The following NEMP1 variants were observed in gnomAD, a reference collection of about 807,000 sequenced individuals.
NEMP1 encodes transmembrane protein 194.
NEMP1 carries 29 observed loss-of-function variants against 53.7 expected under a neutral mutation model. The ratio of observed to expected loss-of-function variants is 0.54; its 90% confidence interval spans 0.40 to 0.74. NEMP1 has a LOEUF of 0.74. Among genes scored for constraint, NEMP1 ranks in the 30% least tolerant of loss-of-function variants. The probability of loss-of-function intolerance (pLI) is 0.00; values close to 1 mark genes in which losing one functional copy is unlikely to be tolerated. For missense variants in NEMP1, 477 were observed against 528.6 expected (o/e 0.90, Z 0.96); for synonymous variants, 193 against 192.9 (o/e 1.00, Z 0.00).
At chr12:57,084,075 G>C (rs915143918) in intron 1 of NEMP1, among the ~76,000 whole-genome samples, 6 of 152,170 alleles carry the variant, frequency 3.9e-5, no homozygotes, top group African/African-American at 1.2e-4. Context: ...CGATTCTCGT[G>C]CCTCCACCTC....
intron 4 of NEMP1, among the ~76,000 whole-genome samples, chr12:57,067,379 C>T (rs1057106352): frequency 6.6e-6 from 1 of 151,588 alleles, no homozygotes; most frequent in African/African-American, 2.4e-5. Context: ...CATGTGGTGC[C>T]CCAAAATAAT....
chr12:57,061,146 G>A (rs538499830), intron 7 of NEMP1, among the ~76,000 whole-genome samples: 2 of 152,128 alleles, frequency 1.3e-5, no homozygotes, highest in South Asian at 4.1e-4. Flanking sequence ...AGGCGACAGA[G>A]CGAGACTCCA....
At position 57,058,549 on chromosome 12, in the gene NEMP1, G is replaced by GC. The variant is rs2031641034; in HGVS notation, c.*1329dup. On this transcript the variant is annotated 3_prime_UTR_variant, in exon 9 of 9. Transcript: ENST00000300128. ...ATTGCTGGTTTATAAGGGGTACTTT[G>GC]CAATGGCAAAAGAATCTGAAACTAA... 1 of 152,214 alleles carries GC rather than the reference G, an allele frequency of 6.6e-6. No homozygotes were observed. Among genetic ancestry groups the GC allele is most frequent in the South Asian group, 2.1e-4 (1 of 4,832 alleles). 9.4% of individuals were successfully genotyped at this position (152,214 alleles called of 1,614,324 possible). A position where few individuals can be genotyped will look rare whatever the true frequency, so the allele number is the denominator to read the frequency against.
At position 57,070,792 on chromosome 12, in the gene NEMP1, G is replaced by C; in HGVS notation, c.354C>G (p.Ser118=). ...EQFSIWNFFS[S]FLKEKLNDTY... The stretch of plus-strand genomic sequence containing the variant: ...TGTCATTCAATTTCTCTTTTAAAAA[G>C]GAGGAAAAAAAGTTCCAGATACTAA... The change falls in exon 3 of 9, where the codon TCC becomes TCG. Residue 118 remains serine, a synonymous_variant. Transcript: ENST00000300128. 6.2e-7 allele frequency: 1 copy of C among 1,613,344 alleles called. No individual in the cohort carries two copies. Among genetic ancestry groups the C allele is most frequent in the Non-Finnish European group, 8.5e-7 (1 of 1,179,598 alleles).
chr12:57,064,766 C>T (rs2136490032), intron 4 of NEMP1, 27 bp from the exon 5 acceptor site: 3 of 1,539,486 alleles, frequency 1.9e-6, no homozygotes, highest in Admixed American at 3.4e-5. Context: ...TATTTCATGA[C>T]CATATGTATA....
intron 7 of NEMP1, among the ~76,000 whole-genome samples, chr12:57,061,567 C>T (rs939181513): frequency 2.2e-4 from 34 of 151,950 alleles, no homozygotes; most frequent in Non-Finnish European, 2.9e-5. Flanking sequence ...GTGGTGCATA[C>T]CTGTAATCCC....
chr12:57,062,162 A>T (rs2031842391), intron 7 of NEMP1, among the ~76,000 whole-genome samples: 1 of 152,198 alleles, frequency 6.6e-6, no homozygotes, highest in Non-Finnish European at 1.5e-5. Context: ...AGACCTCCAG[A>T]GCAATCTGAA....
intron 7 of NEMP1, among the ~76,000 whole-genome samples, chr12:57,062,354 C>A (rs2031851172): frequency 6.6e-6 from 1 of 152,062 alleles, no homozygotes; most frequent in Non-Finnish European, 1.5e-5. Flanking sequence ...GTGGCGCCCA[C>A]CCGTAGTCCC....
chr12:57,069,379 T>G, intron 3 of NEMP1, 73 bp from the exon 4 acceptor site: 6 of 933,856 alleles, frequency 6.4e-6, no homozygotes, highest in Non-Finnish European at 7.9e-6. Flanking sequence ...AAAGACAACG[T>G]TGGCACTATT....
At chr12:57,069,447 C>T in intron 3 of NEMP1, 141 bp from the exon 4 acceptor site, 1 of 587,446 alleles carries the variant, frequency 1.7e-6, no homozygotes, top group Non-Finnish European at 3.0e-6. Context: ...TTAAATTTCA[C>T]CTAAAGCCTG....
At chr12:57,072,262 AC>A (rs2032387763) in intron 2 of NEMP1, among the ~76,000 whole-genome samples, 1 of 151,934 alleles carries the variant, frequency 6.6e-6, no homozygotes, top group Non-Finnish European at 1.5e-5. Context: ...ACATGATGAA[AC>A]CCCATCTCTA....
Position 57,070,710 on chromosome 12 carries a change from C to T in NEMP1, c.436G>A (p.Glu146Lys). 1 of 1,558,908 alleles carries T rather than the reference C, an allele frequency of 6.4e-7. No individual in the cohort carries two copies. The highest frequency in any genetic ancestry group is 8.7e-7 in the Non-Finnish European group (1 of 1,150,456). The change falls in exon 3 of 9, where the codon GAG (glutamate) becomes AAG (lysine). Residue 146 changes from glutamate to lysine, a missense_variant. Physicochemically the swap from Glu to Lys is moderately conservative, Grantham distance 56 (BLOSUM62 1). Coordinates refer to ENST00000300128, the MANE Select transcript of NEMP1 (RefSeq NM_001130963.2). ...TKTCLKVEII[E>K]KDTKYSVIVI... ...ATGACACTGTACTTGGTGTCCTTCTCTATAATCTCAACTTTGAGGCAGGTT... is the reference window on the plus strand; with the variant it reads ...ATGACACTGTACTTGGTGTCCTTCTTTATAATCTCAACTTTGAGGCAGGTT...
At chr12:57,061,706 A>AC (rs1192448088) in intron 7 of NEMP1, among the ~76,000 whole-genome samples, 12 of 149,128 alleles carry the variant, frequency 8.0e-5, no homozygotes, top group East Asian at 2.0e-4. Context: ...AAAAAAAAAA[A>AC]AACAAAAAAA....
rs1276516518 is a variant in NEMP1 at position 57,078,628 on chromosome 12, A to G, written c.118T>C (p.Tyr40His). 2 of 1,612,238 alleles carry G rather than the reference A, an allele frequency of 1.2e-6. 1 individual carries two copies. The highest frequency in any genetic ancestry group is 2.2e-5 in the South Asian group (2 of 90,760). Reference sequence around the variant, plus strand: ...GCTGCCCGGGCGGTACCTGTGCCGTAGACCAAGCAGCCGGAGAGGATCAAG... The same window carrying G: ...GCTGCCCGGGCGGTACCTGTGCCGTGGACCAAGCAGCCGGAGAGGATCAAG... ...LLLILSGCLV[Y>H]GTAETDVNVV... Residue 40 changes from tyrosine (Y) to histidine (H), a missense_variant, in exon 1 of 9, where the codon TAC becomes CAC. By Grantham distance (83) the Tyr-to-His change is moderately conservative. Coordinates refer to ENST00000300128, the MANE Select transcript of NEMP1 (RefSeq NM_001130963.2).
At chr12:57,074,920 T>C (rs2032530736) in intron 1 of NEMP1, among the ~76,000 whole-genome samples, 1 of 151,622 alleles carries the variant, frequency 6.6e-6, no homozygotes, top group African/African-American at 2.4e-5. Flanking sequence ...AAACCCCGTC[T>C]CTACTACAAA....
Position 57,064,748 on chromosome 12 carries a change from A to C in NEMP1, c.546-9T>G. The C allele has an allele frequency of 6.2e-7, 1 of 1,602,204 alleles. No individual in the cohort carries two copies. The highest frequency in any genetic ancestry group is 8.5e-7 in the Non-Finnish European group (1 of 1,170,890). On this transcript the variant is annotated splice_polypyrimidine_tract_variant and intron_variant, in intron 4 of 8. Coordinates refer to ENST00000300128, the MANE Select transcript of NEMP1 (RefSeq NM_001130963.2). ...AGTAGAAAATTTGACTTCTGCAGGAAAAAAATGTATTTCATGACCATATGT... is the reference window on the plus strand; with the variant it reads ...AGTAGAAAATTTGACTTCTGCAGGACAAAAATGTATTTCATGACCATATGT...
At position 57,069,279 on chromosome 12, in the gene NEMP1, A is replaced by G. The variant is rs1208231143; in HGVS notation, c.500T>C (p.Phe167Ser). The change falls in exon 4 of 9, where the codon TTC becomes TCC. Residue 167 changes from phenylalanine (F) to serine (S), a missense_variant. Phe to Ser is a radical substitution (Grantham distance 155, BLOSUM62 -2). Coordinates refer to ENST00000300128, the MANE Select transcript of NEMP1 (RefSeq NM_001130963.2). ...AAAAAATAGCATAAGTCCAAGAAGG[A>G]AAACAAGAAAGAGTTTGGGATCAAA... ...RRFDPKLFLVFLLGLMLFFCG... is the reference protein window; with the variant it reads ...RRFDPKLFLVSLLGLMLFFCG... 1.3e-6 allele frequency: 2 copies of G among 1,546,394 alleles called. No individual in the cohort carries two copies. The highest frequency in any genetic ancestry group is 2.0e-5 in the Admixed American group (1 of 49,496).
At chr12:57,083,451 T>C (rs2032905228), upstream of NEMP1, among the ~76,000 whole-genome samples, 1 of 152,210 alleles carries the variant, frequency 6.6e-6, no homozygotes, top group African/African-American at 2.4e-5. Flanking sequence ...TTTATGCAAA[T>C]AGCCAAAAGA....
intron 3 of NEMP1, 116 bp downstream of exon 3, chr12:57,070,557 TA>T (rs2136503756): frequency 1.2e-6 from 1 of 811,616 alleles, no homozygotes; most frequent in Non-Finnish European, 1.9e-6. Context: ...CTCAGGGTTA[TA>T]ATCAGAACCC....
Sources: gnomAD v4.1 joint callset for allele counts (sites outside exome capture counted in the v4.1 genomes callset) on GRCh38, gnomAD v4.1.1 for gene constraint, MANE v1.5 for transcripts, NCBI Gene and HGNC (gene_info 2026-07-23, HGNC 2026-07-21) for gene names.